SAMD5: variants seen among roughly 807,000 people sequenced by gnomAD.
The protein encoded by SAMD5 is sterile alpha motif domain-containing protein 5.
SAMD5 carries 13 observed loss-of-function variants against 11.3 expected under a neutral mutation model. That is an observed-to-expected ratio of 1.15 (90% confidence interval 0.75 to 1.83). The LOEUF is 1.83. SAMD5 is among the 40% of genes most tolerant of loss of function. SAMD5 has a pLI of 0.00. For missense variants in SAMD5, 255 were observed against 239.1 expected (o/e 1.07, Z -0.44); for synonymous variants, 129 against 111.3 (o/e 1.16, Z -1.00).
At chr6:147,524,395 TTTTTTGTTTTTG>T (rs927138436) in intron 1 of SAMD5, among the ~76,000 whole-genome samples, 7 of 151,702 alleles carry the variant, frequency 4.6e-5, no homozygotes, top group Non-Finnish European at 7.4e-5. Context: ...AGTAATGGGT[TTTTTTGTTTTTG>T]TTTTTGTTTT....
At chr6:147,690,362 T>G (rs1007136570) in intron 1 of SAMD5, among the ~76,000 whole-genome samples, 2 of 152,210 alleles carry the variant, frequency 1.3e-5, no homozygotes, top group African/African-American at 4.8e-5. Flanking sequence ...ATATATCTCT[T>G]TAAATCCCAT....
intron 1 of SAMD5, among the ~76,000 whole-genome samples, chr6:147,527,190 G>A (rs894770482): frequency 6.6e-6 from 1 of 152,118 alleles, no homozygotes; most frequent in Non-Finnish European, 1.5e-5. Context: ...TTGTTATAAA[G>A]AAATACCAGA....
the SAMD5 span, among the ~76,000 whole-genome samples, chr6:147,845,805 G>A: frequency 6.6e-6 from 1 of 152,168 alleles, no homozygotes; most frequent in Non-Finnish European, 1.5e-5. Context: ...AATCACTCTG[G>A]AAAATAATTC....
At position 147,511,681 on chromosome 6, in the gene SAMD5, G is replaced by A. The variant is rs150570122; in HGVS notation, c.459+2294G>A. On this transcript the variant is annotated intron_variant, in intron 1 of 1. Transcript: ENST00000367474. ...CTTTATTGTAACACACACTGAAATA[G>A]GAATTAAAATATAATTAATGTACAC... is the stretch of plus-strand genomic sequence containing the variant. Among the ~76,000 whole-genome samples the A allele has an allele frequency of 9.3e-5, 14 of 149,988 alleles. No homozygotes were observed. The East Asian group carries it at 2.7e-3, about 29-fold the overall frequency.
At chr6:147,779,815 A>G in the SAMD5 span, among the ~76,000 whole-genome samples, 1 of 152,218 alleles carries the variant, frequency 6.6e-6, no homozygotes, top group Non-Finnish European at 1.5e-5. Flanking sequence ...ATCATTTCTG[A>G]CAATTTTTGG....
intron 1 of SAMD5, among the ~76,000 whole-genome samples, chr6:147,560,377 G>A (rs1788928851): frequency 6.6e-6 from 1 of 152,188 alleles, no homozygotes; most frequent in African/African-American, 2.4e-5. Context: ...GTGTTACCCA[G>A]AAGGATGGAA....
At chr6:147,530,978 A>C (rs572458147) in intron 1 of SAMD5, among the ~76,000 whole-genome samples, 1 of 152,182 alleles carries the variant, frequency 6.6e-6, no homozygotes, top group Non-Finnish European at 1.5e-5. Flanking sequence ...TAAAGTTGTA[A>C]ACTACAATCA....
chr6:147,649,344 G>A (rs2128453175), intron 1 of SAMD5, among the ~76,000 whole-genome samples: 1 of 152,152 alleles, frequency 6.6e-6, no homozygotes, highest in Non-Finnish European at 1.5e-5. Context: ...CTTCCAATTT[G>A]CGGAATATTG....
At chr6:147,734,587 T>C (rs1046908015) in intron 1 of SAMD5, among the ~76,000 whole-genome samples, 3 of 151,338 alleles carry the variant, frequency 2.0e-5, no homozygotes, top group Non-Finnish European at 4.4e-5. Context: ...GTGTTGGGTG[T>C]CTGTAGTCCC....
chr6:147,940,056 A>T, the SAMD5 span, among the ~76,000 whole-genome samples: 3 of 152,260 alleles, frequency 2.0e-5, no homozygotes, highest in Admixed American at 2.0e-4. Flanking sequence ...GCACCTGCAA[A>T]GCCCAGAGGT....
chr6:147,561,551 G>A (rs1054229328), intron 1 of SAMD5, among the ~76,000 whole-genome samples: 2 of 152,022 alleles, frequency 1.3e-5, no homozygotes, highest in African/African-American at 4.8e-5. Flanking sequence ...AACCTAGTAT[G>A]ATAACCGAGA....
intron 1 of SAMD5, among the ~76,000 whole-genome samples, chr6:147,696,170 C>T (rs1791173379): frequency 6.6e-6 from 1 of 152,164 alleles, no homozygotes; most frequent in African/African-American, 2.4e-5. Flanking sequence ...CCTCCCCCAA[C>T]TCCATGATCC....
At chr6:147,829,585 G>T in the SAMD5 span, among the ~76,000 whole-genome samples, 1 of 152,154 alleles carries the variant, frequency 6.6e-6, no homozygotes, top group Non-Finnish European at 1.5e-5. Flanking sequence ...ATTTATATAT[G>T]CATATACGTG....
the SAMD5 span, among the ~76,000 whole-genome samples, chr6:147,917,481 C>A: frequency 2.0e-5 from 3 of 152,062 alleles, no homozygotes; most frequent in Admixed American, 6.5e-5. Flanking sequence ...AAGTAGGTTG[C>A]GAAAATTTTC....
At chr6:147,654,491 C>T (rs1194961207) in intron 1 of SAMD5, among the ~76,000 whole-genome samples, 1 of 152,162 alleles carries the variant, frequency 6.6e-6, no homozygotes, top group Non-Finnish European at 1.5e-5. Context: ...TTCAATTCTC[C>T]ATTGCTACAT....
At chr6:147,880,775 A>G in the SAMD5 span, among the ~76,000 whole-genome samples, 1 of 152,158 alleles carries the variant, frequency 6.6e-6, no homozygotes, top group African/African-American at 2.4e-5. Context: ...ACTGTCCGTC[A>G]TCCCAACAAC....
chr6:147,934,805 A>G, the SAMD5 span, among the ~76,000 whole-genome samples: 5 of 152,170 alleles, frequency 3.3e-5, no homozygotes. Context: ...ACATATTTAC[A>G]TGATTCTGCT....
chr6:147,770,262 T>TA, the SAMD5 span, among the ~76,000 whole-genome samples: 1 of 150,860 alleles, frequency 6.6e-6, no homozygotes, highest in East Asian at 2.0e-4. Context: ...TAATTTTTTT[T>TA]AAAAAAAATC....
the SAMD5 span, among the ~76,000 whole-genome samples, chr6:147,788,707 C>G: frequency 5.3e-5 from 8 of 152,118 alleles, no homozygotes; most frequent in African/African-American, 1.9e-4. Context: ...AATATTAGCT[C>G]TTGGCTAATG....
Sources: gnomAD v4.1 joint callset for allele counts (sites outside exome capture counted in the v4.1 genomes callset) on GRCh38, gnomAD v4.1.1 for gene constraint, MANE v1.5 for transcripts, NCBI Gene and HGNC (gene_info 2026-07-23, HGNC 2026-07-21) for gene names.